MAGI2: variants seen among roughly 807,000 people sequenced by gnomAD.
The protein encoded by MAGI2 is membrane-associated guanylate kinase, WW and PDZ domain-containing protein 2.
A neutral mutation model predicts 133.3 loss-of-function variants in MAGI2; 35 were observed. The ratio of observed to expected loss-of-function variants is 0.26; its 90% CI spans 0.20 to 0.35. MAGI2 has a LOEUF of 0.35. Among genes scored for constraint, MAGI2 ranks in the 10% least tolerant of loss-of-function variants. The pLI is 1.00. For synonymous variants in MAGI2, 729 were observed against 710.6 expected (o/e 1.03, Z -0.41); for missense variants, 1,636 against 1,863.4 (o/e 0.88, Z 2.25).
intron 1 of MAGI2, among the ~76,000 whole-genome samples, chr7:79,143,117 G>GA (rs1822286591): frequency 6.6e-6 from 1 of 152,120 alleles, no homozygotes; most frequent in African/African-American, 2.4e-5. Flanking sequence ...TTATAATCCA[G>GA]AAAAATGTTT....
chr7:79,370,205 T>C (rs1256836946), intron 1 of MAGI2, among the ~76,000 whole-genome samples: 2 of 152,122 alleles, frequency 1.3e-5, no homozygotes, highest in Non-Finnish European at 2.9e-5. Flanking sequence ...CAAATAGACA[T>C]TGAAAATATA....
intron 2 of MAGI2, among the ~76,000 whole-genome samples, chr7:78,933,252 C>T (rs1800272634): frequency 6.6e-6 from 1 of 152,136 alleles, no homozygotes; most frequent in African/African-American, 2.4e-5. Flanking sequence ...TATGTACTTT[C>T]CCACAAATTT....
intron 2 of MAGI2, among the ~76,000 whole-genome samples, chr7:78,732,297 A>T (rs113417242): frequency 6.6e-6 from 1 of 152,162 alleles, no homozygotes; most frequent in Non-Finnish European, 1.5e-5. Context: ...TGAGCCCCAG[A>T]TATGTCCTAT....
Position 78,167,813 on chromosome 7 carries a change from G to A in MAGI2, c.2596+103C>T, listed in dbSNP as rs894942751. ...TAGGTTGTTTCCTTCCTCATATAAT[G>A]TAGAAATGGATTTAAAATTTTGTTT... On this transcript the variant is annotated intron_variant, in intron 15 of 21. Transcript: ENST00000354212. 4.7e-6 allele frequency: 5 copies of A among 1,053,322 alleles called. No homozygotes were observed. The Admixed American group carries it at 8.7e-5, about 18-fold the overall frequency. The allele number at this position is 1,053,322 out of a possible 1,614,324, so 65.2% of individuals were successfully genotyped here.
intron 6 of MAGI2, among the ~76,000 whole-genome samples, chr7:78,398,644 T>C (rs1262147060): frequency 1.3e-5 from 2 of 152,122 alleles, no homozygotes; most frequent in Non-Finnish European, 2.9e-5. Context: ...AGACTTGGGA[T>C]CCATCTTTCT....
chr7:78,756,088 C>T (rs1352340531), intron 2 of MAGI2, among the ~76,000 whole-genome samples: 1 of 152,042 alleles, frequency 6.6e-6, no homozygotes, highest in African/African-American at 2.4e-5. Flanking sequence ...CACTCAGTGT[C>T]AGGCACAATT....
chr7:79,135,410 A>G (rs1821298255), intron 1 of MAGI2, among the ~76,000 whole-genome samples: 1 of 152,228 alleles, frequency 6.6e-6, no homozygotes, highest in East Asian at 1.9e-4. Flanking sequence ...TCTCAGAGAC[A>G]TATAACCCTC....
At chr7:78,290,380 G>A (rs370177729) in intron 9 of MAGI2, among the ~76,000 whole-genome samples, 5 of 152,252 alleles carry the variant, frequency 3.3e-5, no homozygotes, top group Middle Eastern at 3.4e-3. Context: ...AGGGATCAAT[G>A]CAACAAGAAG....
chr7:79,056,309 C>G (rs1190326316), intron 1 of MAGI2, among the ~76,000 whole-genome samples: 2 of 152,070 alleles, frequency 1.3e-5, no homozygotes, highest in African/African-American at 4.8e-5. Context: ...AAGGCTGCTT[C>G]AAGCTATGAT....
At chr7:78,772,174 G>C (rs1237449761) in intron 2 of MAGI2, among the ~76,000 whole-genome samples, 1 of 152,138 alleles carries the variant, frequency 6.6e-6, no homozygotes, top group Non-Finnish European at 1.5e-5. Context: ...ATCCAGTGGA[G>C]ACCATCTCTT....
intron 9 of MAGI2, among the ~76,000 whole-genome samples, chr7:78,274,745 G>GA (rs1794898952): frequency 6.6e-6 from 1 of 152,146 alleles, no homozygotes; most frequent in African/African-American, 2.4e-5. Flanking sequence ...ACTGTGAGGG[G>GA]AAAACCACCT....
At chr7:78,259,075 T>C (rs1043203565) in intron 9 of MAGI2, among the ~76,000 whole-genome samples, 1 of 152,182 alleles carries the variant, frequency 6.6e-6, no homozygotes, top group Non-Finnish European at 1.5e-5. Flanking sequence ...ATCTAATGGA[T>C]GTGATCATAG....
At chr7:78,805,326 A>G (rs1788482830) in intron 2 of MAGI2, among the ~76,000 whole-genome samples, 1 of 150,940 alleles carries the variant, frequency 6.6e-6, no homozygotes, top group South Asian at 2.1e-4. Context: ...ATTTCTTATT[A>G]TCACTTATGG....
intron 21 of MAGI2, among the ~76,000 whole-genome samples, chr7:78,051,846 T>C (rs1010157322): frequency 6.6e-6 from 1 of 150,722 alleles, no homozygotes; most frequent in African/African-American, 2.5e-5. Flanking sequence ...TGACCTCCCA[T>C]TGTGCTGGAA....
At chr7:79,167,916 AC>A (rs1825105085) in intron 1 of MAGI2, among the ~76,000 whole-genome samples, 1 of 152,084 alleles carries the variant, frequency 6.6e-6, no homozygotes, top group South Asian at 2.1e-4. Flanking sequence ...GGCAAGGAAC[AC>A]CCGGCCTGCC....
intron 6 of MAGI2, among the ~76,000 whole-genome samples, chr7:78,399,136 T>C (rs981119846): frequency 2.0e-5 from 3 of 152,162 alleles, no homozygotes; most frequent in Non-Finnish European, 2.9e-5. Context: ...AAATCCACAG[T>C]GCAGAATATG....
intron 18 of MAGI2, among the ~76,000 whole-genome samples, chr7:78,128,852 A>G (rs1429513106): frequency 6.6e-6 from 1 of 152,198 alleles, no homozygotes; most frequent in African/African-American, 2.4e-5. Flanking sequence ...CTTGCTTTAT[A>G]CCTCAATTGT....
At chr7:78,505,435 T>C (rs375039567) in intron 4 of MAGI2, among the ~76,000 whole-genome samples, 4 of 152,232 alleles carry the variant, frequency 2.6e-5, no homozygotes, top group African/African-American at 9.6e-5. Flanking sequence ...TTTTGTAGGA[T>C]AAAAGCAGTA....
intron 1 of MAGI2, among the ~76,000 whole-genome samples, chr7:79,114,170 A>G (rs1261569558): frequency 6.6e-6 from 1 of 152,152 alleles, no homozygotes; most frequent in East Asian, 1.9e-4. Flanking sequence ...AAGTGTTACT[A>G]AAGACTCTAA....
Sources: gnomAD v4.1 joint callset for allele counts (sites outside exome capture counted in the v4.1 genomes callset) on GRCh38, gnomAD v4.1.1 for gene constraint, MANE v1.5 for transcripts, NCBI Gene and HGNC (gene_info 2026-07-23, HGNC 2026-07-21) for gene names.